The following COL7A1 variants were observed in gnomAD, a reference collection of about 807,000 sequenced individuals.
The protein encoded by COL7A1 is collagen alpha-1(VII) chain.
Under a neutral mutation model 456.2 loss-of-function variants are expected in COL7A1, and 296 were observed. That is an observed-to-expected ratio of 0.65 (90% CI 0.59 to 0.71). The LOEUF is 0.71. Among genes scored for constraint, COL7A1 ranks in the 30% least tolerant of loss-of-function variants. COL7A1 has a pLI of 0.00. For missense variants in COL7A1, 3,441 were observed against 4,017.2 expected (o/e 0.86, Z 3.88); for synonymous variants, 1,464 against 1,525.9 (o/e 0.96, Z 0.95).
chr3:48,594,243 C>T lies in COL7A1; in HGVS notation c.266+125G>A. The T allele has an allele frequency of 8.7e-7, 1 of 1,149,850 alleles. No homozygotes were observed. The highest frequency in any genetic ancestry group is 1.3e-6 in the Non-Finnish European group (1 of 799,408). The allele number at this position is 1,149,850 out of a possible 1,614,324, so 71.2% of individuals were successfully genotyped here. Reference sequence around the variant, plus strand: ...CCAAAGGAGGTCCTGGCTAGGGGGTCTCTAGGTTCCCCAAAACTTGTTTCT... The same window carrying T: ...CCAAAGGAGGTCCTGGCTAGGGGGTTTCTAGGTTCCCCAAAACTTGTTTCT... On this transcript the variant is annotated intron_variant, in intron 3 of 118. Coordinates refer to ENST00000681320, the MANE Select transcript of COL7A1 (RefSeq NM_000094.4). This position sits in a 1 kb window ranked among gnomAD's most constrained non-coding sequence, Gnocchi z 5.5.
In COL7A1 at chr3:48,594,244, T is replaced by C. The variant is rs2045912348; in HGVS notation, c.266+124A>G. ...CAAAGGAGGTCCTGGCTAGGGGGTC[T>C]CTAGGTTCCCCAAAACTTGTTTCTG... On this transcript the variant is annotated intron_variant, in intron 3 of 118. Coordinates refer to ENST00000681320, the MANE Select transcript of COL7A1 (RefSeq NM_000094.4). This position sits in a 1 kb window ranked among gnomAD's most constrained non-coding sequence, Gnocchi z 5.5. 8.6e-7 allele frequency: 1 copy of C among 1,168,918 alleles called. No homozygotes were observed. Among genetic ancestry groups the C allele is most frequent in the African/African-American group, 1.5e-5 (1 of 65,974 alleles). The allele number at this position is 1,168,918 out of a possible 1,614,324, so 72.4% of individuals were successfully genotyped here.
chr3:48,564,467 C>A lies in COL7A1; in HGVS notation c.8819-45G>T. ...AACGGTCGTCAGCCATCTGACCTTC[C>A]CCGGAGACGCTCAGGCAGAGGCACC... is the stretch of plus-strand genomic sequence containing the variant. On this transcript the variant is annotated intron_variant, in intron 118 of 118. Coordinates refer to ENST00000681320, the MANE Select transcript of COL7A1 (RefSeq NM_000094.4). This position sits in a 1 kb window ranked among gnomAD's most constrained non-coding sequence, Gnocchi z 6.0. 1 of 1,612,218 alleles carries A rather than the reference C, an allele frequency of 6.2e-7. No homozygotes were observed.
At position 48,566,956 on chromosome 3, in the gene COL7A1, G is replaced by T. The variant is rs372495014; in HGVS notation, c.8177C>A (p.Pro2726Gln). 1 of 1,611,534 alleles carries T rather than the reference G, an allele frequency of 6.2e-7. No homozygotes were observed. Among genetic ancestry groups the T allele is most frequent in the Admixed American group, 1.7e-5 (1 of 59,828 alleles). The change falls in exon 111 of 119, where the codon CCA (proline) becomes CAA (glutamine). Residue 2726 changes from proline (P) to glutamine (Q), a missense_variant. Pro to Gln is a moderately conservative substitution (Grantham distance 76). Transcript: ENST00000681320. This position sits in a 1 kb window ranked among gnomAD's most constrained non-coding sequence, Gnocchi z 5.9. Reference sequence around the variant, plus strand: ...GCCTCTGGGACCAACACTGCCAGGTGGCCCTGGGGGACCAGCAGAGCCATC... The same window carrying T: ...GCCTCTGGGACCAACACTGCCAGGTTGCCCTGGGGGACCAGCAGAGCCATC... ...GNDGSAGPPG[P>Q]PGSVGPRGPE...
chr3:48,592,990 T>A lies in COL7A1; in HGVS notation c.683-52A>T. ...GCAGGAGGATTGGGGTGGGCATGTATGATGCAGAGTTGGGGTCGGGGTCAG... is the reference window on the plus strand; with the variant it reads ...GCAGGAGGATTGGGGTGGGCATGTAAGATGCAGAGTTGGGGTCGGGGTCAG... On this transcript the variant is annotated intron_variant, in intron 6 of 118. Coordinates refer to ENST00000681320, the MANE Select transcript of COL7A1 (RefSeq NM_000094.4). The surrounding 1 kb of genome is among the most constrained non-coding windows in gnomAD (Gnocchi z 7.6). 3.1e-6 allele frequency: 5 copies of A among 1,612,256 alleles called. No individual in the cohort carries two copies. The highest frequency in any genetic ancestry group is 4.2e-6 in the Non-Finnish European group (5 of 1,179,474).
Position 48,569,862 on chromosome 3 carries a change from C to T in COL7A1, c.7521+18G>A. On this transcript the variant is annotated intron_variant, in intron 100 of 118. Coordinates refer to ENST00000681320, the MANE Select transcript of COL7A1 (RefSeq NM_000094.4). This position sits in a 1 kb window ranked among gnomAD's most constrained non-coding sequence, Gnocchi z 4.9. ...ACTCACCCCCCCACTCATGCCAGGA[C>T]CTTCCCCACGTTCCTACCTTCTCCC... 1 of 1,614,178 alleles carries T rather than the reference C, an allele frequency of 6.2e-7. No individual in the cohort carries two copies. Among genetic ancestry groups the T allele is most frequent in the Non-Finnish European group, 8.5e-7 (1 of 1,180,022 alleles).
chr3:48,591,485 T>C lies in COL7A1; in HGVS notation c.1615A>G (p.Ile539Val), dbSNP rs1303497009. Reference protein sequence around the residue: ...SPVPGATQYRIIVRSTQGVER... With the variant: ...SPVPGATQYRVIVRSTQGVER... The stretch of plus-strand genomic sequence containing the variant: ...TCACCCTGGGTGCTGCGCACAATGA[T>C]GCGGTACTGGGTGGCACCAGGGACT... Residue 539 changes from isoleucine (I) to valine (V), a missense_variant, in exon 13 of 119, where the codon ATC becomes GTC. By Grantham distance (29) the Ile-to-Val change is conservative (BLOSUM62 3). Around this residue, in one of 3 missense-constraint regions of COL7A1, gnomAD observed 913 missense variants for 1,088.2 expected, o/e 0.84. Coordinates refer to ENST00000681320, the MANE Select transcript of COL7A1 (RefSeq NM_000094.4). This position sits in a 1 kb window ranked among gnomAD's most constrained non-coding sequence, Gnocchi z 7.0. 8 of 1,613,948 alleles carry C rather than the reference T, an allele frequency of 5.0e-6. No individual in the cohort carries two copies. Among genetic ancestry groups the C allele is most frequent in the Non-Finnish European group, 6.8e-6 (8 of 1,179,978 alleles).
chr3:48,578,839 C>G lies in COL7A1; in HGVS notation c.5424+80G>C. The G allele has an allele frequency of 1.4e-6, 2 of 1,460,248 alleles. No individual in the cohort carries two copies. Among genetic ancestry groups the G allele is most frequent in the Non-Finnish European group, 1.9e-6 (2 of 1,077,032 alleles). 90.5% of individuals were successfully genotyped at this position (1,460,248 alleles called of 1,614,324 possible). ...TGAACCGACCCCCCACCAACTCTCT[C>G]GGATGCTGTGACTATGATGATCTGG... is the stretch of plus-strand genomic sequence containing the variant. On this transcript the variant is annotated intron_variant, in intron 63 of 118. Coordinates refer to ENST00000681320, the MANE Select transcript of COL7A1 (RefSeq NM_000094.4). The surrounding 1 kb of genome is among the most constrained non-coding windows in gnomAD (Gnocchi z 4.7).
chr3:48,580,196 A>C lies in COL7A1; in HGVS notation c.5097+104T>G, dbSNP rs546703438. On this transcript the variant is annotated intron_variant, in intron 56 of 118. Coordinates refer to ENST00000681320, the MANE Select transcript of COL7A1 (RefSeq NM_000094.4). This position sits in a 1 kb window ranked among gnomAD's most constrained non-coding sequence, Gnocchi z 4.5. ...CCCCAGCAGGCATGGGTGGCCATCC[A>C]TGCTTCCCACCTGGACCTCCAGACC... 1.4e-5 allele frequency: 22 copies of C among 1,543,010 alleles called. No homozygotes were observed. The highest frequency in any genetic ancestry group is 1.9e-5 in the Non-Finnish European group (21 of 1,128,942).
At position 48,564,225 on chromosome 3, in the gene COL7A1, A is replaced by T. The variant is rs1056460377; in HGVS notation, c.*181T>A. The T allele has an allele frequency of 1.1e-5, 8 of 741,194 alleles. No individual in the cohort carries two copies. The highest frequency in any genetic ancestry group is 5.3e-4 in the Middle Eastern group (2 of 3,804). 45.9% of individuals were successfully genotyped at this position (741,194 alleles called of 1,614,324 possible). Reference sequence around the variant, plus strand: ...CATCTGCCAGGGTGGCAGGAGCCACAATGGGGGTTTGTCCACAGGGGGGAA... The same window carrying T: ...CATCTGCCAGGGTGGCAGGAGCCACTATGGGGGTTTGTCCACAGGGGGGAA... On this transcript the variant is annotated 3_prime_UTR_variant, in exon 119 of 119. Coordinates refer to ENST00000681320, the MANE Select transcript of COL7A1 (RefSeq NM_000094.4). The surrounding 1 kb of genome is among the most constrained non-coding windows in gnomAD (Gnocchi z 6.0).
chr3:48,579,651 G>A lies in COL7A1; in HGVS notation c.5172C>T (p.Arg1724=), dbSNP rs775290112. The change falls in exon 59 of 119, where the codon CGC becomes CGT. Residue 1724 remains arginine (R), a synonymous_variant. Transcript: ENST00000681320. The surrounding 1 kb of genome is among the most constrained non-coding windows in gnomAD (Gnocchi z 4.4). ...TGGGCCCTCGAGGACCCTCTTGTCC[G>A]CGGTCCCCAGGCTCTCCCTGTGGCA... ...GAREKGEPGD[R]GQEGPRGPKG... is the part of the protein sequence containing the mutation. The A allele has an allele frequency of 2.5e-5, 41 of 1,613,466 alleles. No homozygotes were observed. Among genetic ancestry groups the A allele is most frequent in the Middle Eastern group, 1.6e-4 (1 of 6,084 alleles).
chr3:48,570,965 C>T lies in COL7A1; in HGVS notation c.7168G>A (p.Asp2390Asn). Reference protein sequence around the residue: ...GPPGPPGVKGDLGLPGLPGAP... With the variant: ...GPPGPPGVKGNLGLPGLPGAP... ...CCGGGCAGGCCAGGGAGGCCCAGAT[C>T]TCCCTGAAATAAAAACAGCAAAGGG... is the stretch of plus-strand genomic sequence containing the variant. Residue 2390 changes from aspartate to asparagine, a missense_variant, in exon 95 of 119, where the codon GAT (aspartate) becomes AAT (asparagine). Transcript: ENST00000681320. The surrounding 1 kb of genome is among the most constrained non-coding windows in gnomAD (Gnocchi z 5.5). 1 of 1,613,458 alleles carries T rather than the reference C, an allele frequency of 6.2e-7. No individual in the cohort carries two copies. The highest frequency in any genetic ancestry group is 8.5e-7 in the Non-Finnish European group (1 of 1,179,790).
In COL7A1 at chr3:48,587,623, A is replaced by G. The variant is rs906948285; in HGVS notation, c.2858-69T>C. The G allele has an allele frequency of 2.5e-6, 4 of 1,610,502 alleles. No individual in the cohort carries two copies. In the African/African-American group the frequency reaches 5.3e-5, roughly 22 times the overall value. ...AGAACCCAGAAGGGAGAGATCTGAGATCCTGGGTCCGGTTTGTCTTATTGA... is the reference window on the plus strand; with the variant it reads ...AGAACCCAGAAGGGAGAGATCTGAGGTCCTGGGTCCGGTTTGTCTTATTGA... On this transcript the variant is annotated intron_variant, in intron 22 of 118. Coordinates refer to ENST00000681320, the MANE Select transcript of COL7A1 (RefSeq NM_000094.4). The surrounding 1 kb of genome is among the most constrained non-coding windows in gnomAD (Gnocchi z 6.1).
chr3:48,588,494 G>A lies in COL7A1; in HGVS notation c.2588-90C>T. The stretch of plus-strand genomic sequence containing the variant: ...CACCCTGGCACACGCACCCCGCCCA[G>A]CCTCTCAGACCCCTCTCCCTCCTCT... On this transcript the variant is annotated intron_variant, in intron 20 of 118. Transcript: ENST00000681320. The surrounding 1 kb of genome is among the most constrained non-coding windows in gnomAD (Gnocchi z 4.6). 1.3e-6 allele frequency: 2 copies of A among 1,595,372 alleles called. No individual in the cohort carries two copies. The highest frequency in any genetic ancestry group is 1.7e-6 in the Non-Finnish European group (2 of 1,174,780).
In COL7A1 at chr3:48,568,374, G is replaced by C; in HGVS notation, c.7794+125C>G. ...ACTGTGGAGGTGGGGGACCCTGGGT[G>C]ACATGAGGACACCATGAGAGCACTG... On this transcript the variant is annotated intron_variant, in intron 105 of 118. Transcript: ENST00000681320. This position sits in a 1 kb window ranked among gnomAD's most constrained non-coding sequence, Gnocchi z 5.2. The C allele has an allele frequency of 9.0e-7, 1 of 1,109,518 alleles. No individual in the cohort carries two copies. Among genetic ancestry groups the C allele is most frequent in the Non-Finnish European group, 1.3e-6 (1 of 750,884 alleles). The allele number at this position is 1,109,518 out of a possible 1,614,324, so 68.7% of individuals were successfully genotyped here.
chr3:48,565,540 G>A lies in COL7A1; in HGVS notation c.8441-44C>T. The A allele has an allele frequency of 6.2e-7, 1 of 1,613,786 alleles. No homozygotes were observed. Among genetic ancestry groups the A allele is most frequent in the African/African-American group, 1.3e-5 (1 of 75,022 alleles). ...GCCTCAGGGCCCTGAAGTCACCATG[G>A]GCAGCCATCCCAGCCAACCCCCCTG... On this transcript the variant is annotated intron_variant, in intron 115 of 118. Coordinates refer to ENST00000681320, the MANE Select transcript of COL7A1 (RefSeq NM_000094.4). The surrounding 1 kb of genome is among the most constrained non-coding windows in gnomAD (Gnocchi z 4.5).
chr3:48,580,298 A>C lies in COL7A1; in HGVS notation c.5097+2T>G. ...TGAGCCCAGGACACCAGCCCTACTC[A>C]CCGGCTCCCCACGGTCACCCTTGGG... On this transcript the variant is annotated splice_donor_variant, in intron 56 of 118. Transcript: ENST00000681320. LOFTEE classifies it high-confidence loss of function. This position sits in a 1 kb window ranked among gnomAD's most constrained non-coding sequence, Gnocchi z 4.5. The C allele has an allele frequency of 6.2e-7, 1 of 1,609,996 alleles. No individual in the cohort carries two copies. Among genetic ancestry groups the C allele is most frequent in the Non-Finnish European group, 8.5e-7 (1 of 1,178,188 alleles).
Position 48,591,352 on chromosome 3 carries a change from G to A in COL7A1, c.1636+112C>T. On this transcript the variant is annotated intron_variant, in intron 13 of 118. Transcript: ENST00000681320. The surrounding 1 kb of genome is among the most constrained non-coding windows in gnomAD (Gnocchi z 7.0). Reference sequence around the variant, plus strand: ...GGGAAGCAGATGGATAACGAGACAGGGAGGAGACTATAGGGACCCAGGTGT... The same window carrying A: ...GGGAAGCAGATGGATAACGAGACAGAGAGGAGACTATAGGGACCCAGGTGT... 2 of 1,421,626 alleles carry A rather than the reference G, an allele frequency of 1.4e-6. No homozygotes were observed. The highest frequency in any genetic ancestry group is 2.3e-5 in the East Asian group (1 of 43,170). The allele number at this position is 1,421,626 out of a possible 1,614,324, so 88.1% of individuals were successfully genotyped here. A position where few individuals can be genotyped will look rare whatever the true frequency, so the allele number is the denominator to read the frequency against.
chr3:48,575,095 G>A lies in COL7A1; in HGVS notation c.6248C>T (p.Thr2083Ile). Residue 2083 changes from threonine to isoleucine, a missense_variant, in exon 76 of 119, where the codon ACC becomes ATC. Physicochemically the swap from Thr to Ile is moderately conservative, Grantham distance 89. Around this residue, in one of 3 missense-constraint regions of COL7A1, gnomAD observed 2,084 missense variants for 2,501.3 expected, o/e 0.83. Coordinates refer to ENST00000681320, the MANE Select transcript of COL7A1 (RefSeq NM_000094.4). This position sits in a 1 kb window ranked among gnomAD's most constrained non-coding sequence, Gnocchi z 6.3. ...GRDGPPGLPG[T>I]PGPPGPPGPK... ...GCCAGGGGGTCCGGGGGGCCCAGGG[G>A]TTCCAGGGAGTCCAGGAGGGCCATC... 3 of 1,613,018 alleles carry A rather than the reference G, an allele frequency of 1.9e-6. No homozygotes were observed. The highest frequency in any genetic ancestry group is 2.5e-6 in the Non-Finnish European group (3 of 1,179,580).
In COL7A1 at chr3:48,584,909, C is replaced by G; in HGVS notation, c.4011+1G>C. On this transcript the variant is annotated splice_donor_variant, in intron 34 of 118. Coordinates refer to ENST00000681320, the MANE Select transcript of COL7A1 (RefSeq NM_000094.4). LOFTEE classifies it high-confidence loss of function. Reference sequence around the variant, plus strand: ...AGAGCAAAGAAGGGAAGGCACCTTACCGGGTCCCCACGAGGGCCAGGCAAC... The same window carrying G: ...AGAGCAAAGAAGGGAAGGCACCTTAGCGGGTCCCCACGAGGGCCAGGCAAC... 6.2e-7 allele frequency: 1 copy of G among 1,614,016 alleles called. No homozygotes were observed. Among genetic ancestry groups the G allele is most frequent in the Non-Finnish European group, 8.5e-7 (1 of 1,180,004 alleles).
Sources: gnomAD v4.1 joint callset for allele counts on GRCh38, gnomAD v4.1.1 for gene constraint, gnomAD v4.1.1 regional missense constraint, Gnocchi (gnomAD v3.1) non-coding constraint, MANE v1.5 for transcripts, NCBI Gene and HGNC (gene_info 2026-07-23, HGNC 2026-07-21) for gene names.